MACROD1: variants seen among roughly 807,000 people sequenced by gnomAD.
The protein encoded by MACROD1 is ADP-ribose glycohydrolase MACROD1.
Under a neutral mutation model 41.4 loss-of-function variants are expected in MACROD1, and 31 were observed. The observed-to-expected ratio is 0.75, with a 90% CI of 0.56 to 1.01. The LOEUF is 1.01. Ranked by LOEUF, MACROD1 falls within the 50% of genes least tolerant of loss-of-function variation. The pLI is 0.00. For synonymous variants in MACROD1, 252 were observed against 203.4 expected (o/e 1.24, Z -2.03); for missense variants, 473 against 460.0 (o/e 1.03, Z -0.26).
chr11:64,062,496 T>C (rs1943923463), intron 3 of MACROD1, among the ~76,000 whole-genome samples: 1 of 152,220 alleles, frequency 6.6e-6, no homozygotes. Flanking sequence ...TCAGCCAATC[T>C]GGCGCAGCCT....
At chr11:64,117,724 A>G in intron 3 of MACROD1, 3 of 1,613,744 alleles carry the variant, frequency 1.9e-6, no homozygotes, top group Non-Finnish European at 2.5e-6. Context: ...ACCTTGGTGC[A>G]GGGGGACAAG....
chr11:64,004,564 G>A (rs1942879245), intron 4 of MACROD1, among the ~76,000 whole-genome samples: 2 of 152,148 alleles, frequency 1.3e-5, no homozygotes, highest in South Asian at 4.1e-4. Flanking sequence ...ACCGAGGGCA[G>A]GGCACCCCAA....
At chr11:64,052,422 C>T (rs1333388005) in intron 3 of MACROD1, among the ~76,000 whole-genome samples, 1 of 152,214 alleles carries the variant, frequency 6.6e-6, no homozygotes, top group Non-Finnish European at 1.5e-5. Context: ...AGCGATCTTC[C>T]ATCTTAGTCT....
rs1944580277 is a variant in MACROD1, at chr11:64,096,560, C to T, written c.517+54679G>A. Among the ~76,000 whole-genome samples the T allele has an allele frequency of 1.3e-5, 2 of 152,102 alleles. No individual in the cohort carries two copies. Among genetic ancestry groups the T allele is most frequent in the African/African-American group, 4.8e-5 (2 of 41,414 alleles). The stretch of plus-strand genomic sequence containing the variant: ...CCCACCGAGTAGCTGGGATTACAGG[C>T]GCCTGCCATCACGCCCAGCTAATTT... On this transcript the variant is annotated intron_variant, in intron 3 of 10. Coordinates refer to ENST00000255681, the MANE Select transcript of MACROD1 (RefSeq NM_014067.4). The surrounding 1 kb of genome is among the most constrained non-coding windows in gnomAD (Gnocchi z 4.6).
At position 64,072,640 on chromosome 11, in the gene MACROD1, C is replaced by T. The variant is rs565335340; in HGVS notation, c.518-57359G>A. 7.2e-5 allele frequency among the ~76,000 whole-genome samples: 11 copies of T among 152,334 alleles called. No homozygotes were observed. In the East Asian group the frequency reaches 2.1e-3, roughly 29 times the overall value. ...TCAGATGGGGATAACAAAGCCCCCT[C>T]GCCCCCATGCCCTGGTTATAGGGCT... is the stretch of plus-strand genomic sequence containing the variant. On this transcript the variant is annotated intron_variant, in intron 3 of 10. Transcript: ENST00000255681.
At chr11:64,015,739 T>C (rs1047058447) in intron 3 of MACROD1, among the ~76,000 whole-genome samples, 1 of 152,022 alleles carries the variant, frequency 6.6e-6, no homozygotes, top group Non-Finnish European at 1.5e-5. Flanking sequence ...GGAAGCAAAC[T>C]GCACCTTTGC....
At chr11:64,081,358 G>C (rs78738526) in intron 3 of MACROD1, among the ~76,000 whole-genome samples, 1 of 152,080 alleles carries the variant, frequency 6.6e-6, no homozygotes, top group Non-Finnish European at 1.5e-5. Flanking sequence ...CCATGAACTC[G>C]CATATCCTGA....
At chr11:64,157,261 T>G (rs986701441) in intron 1 of MACROD1, among the ~76,000 whole-genome samples, 4 of 151,852 alleles carry the variant, frequency 2.6e-5, no homozygotes, top group African/African-American at 9.7e-5. Flanking sequence ...CCCAGCTAAT[T>G]TTTTGTATTT....
chr11:64,121,649 C>T (rs78340266), intron 3 of MACROD1, among the ~76,000 whole-genome samples: 2,831 of 152,342 alleles, frequency 0.019, 39 homozygotes, highest in Non-Finnish European at 0.031. Context: ...GCCTCCCCTA[C>T]ACCTCAGACA....
chr11:64,059,955 G>A (rs1300092704), intron 3 of MACROD1, among the ~76,000 whole-genome samples: 6 of 152,200 alleles, frequency 3.9e-5, no homozygotes, highest in Non-Finnish European at 5.9e-5. Flanking sequence ...GGGATGTTGG[G>A]GGGCCGGGGC....
intron 3 of MACROD1, among the ~76,000 whole-genome samples, chr11:64,063,734 T>G (rs1038094825): frequency 1.3e-5 from 2 of 152,136 alleles, no homozygotes; most frequent in Admixed American, 6.5e-5. Flanking sequence ...CCCCCCTCCA[T>G]GGGCAGCCAC....
intron 3 of MACROD1, among the ~76,000 whole-genome samples, chr11:64,028,602 C>T (rs1943252903): frequency 6.6e-6 from 1 of 152,230 alleles, no homozygotes; most frequent in African/African-American, 2.4e-5. Context: ...TTAAGAATCC[C>T]TCCTCGGCAG....
Position 64,147,593 on chromosome 11 carries a change from T to C in MACROD1, c.517+3646A>G, listed in dbSNP as rs376229347. Among the ~76,000 whole-genome samples, 6 of 151,614 alleles carry C rather than the reference T, an allele frequency of 4.0e-5. No homozygotes were observed. The East Asian group carries it at 1.2e-3, about 29-fold the overall frequency. On this transcript the variant is annotated intron_variant, in intron 3 of 10. Transcript: ENST00000255681. ...GCATGCCATCACGCCTGGCTAATTT[T>C]TGTATTTTTAGTAGAGATGGGATTT...
Position 64,036,244 on chromosome 11 carries a change from CG to C in MACROD1, c.518-20964del. On this transcript the variant is annotated intron_variant, in intron 3 of 10. Coordinates refer to ENST00000255681, the MANE Select transcript of MACROD1 (RefSeq NM_014067.4). This position sits in a 1 kb window ranked among gnomAD's most constrained non-coding sequence, Gnocchi z 5.6. ...GCCGACGGGGCGGGGGCCGGGGGCC[CG>C]GGGGCACCGAAGCGCCACGGGGTCA... The C allele has an allele frequency of 1.3e-5, 2 of 152,066 alleles. No homozygotes were observed. Among genetic ancestry groups the C allele is most frequent in the Non-Finnish European group, 2.9e-5 (2 of 67,972 alleles). The allele number at this position is 152,066 out of a possible 1,614,324, so 9.4% of individuals were successfully genotyped here.
Position 64,000,212 on chromosome 11 carries a change from G to C in MACROD1, c.664+15C>G, listed in dbSNP as rs1396850094. The stretch of plus-strand genomic sequence containing the variant: ...CTGTCTGCGCCCCACAGCTGGGGGC[G>C]CGTCGGGGACTCACACTTGGCCGGG... On this transcript the variant is annotated intron_variant, in intron 5 of 10. Transcript: ENST00000255681. 7 of 1,596,344 alleles carry C rather than the reference G, an allele frequency of 4.4e-6. No homozygotes were observed. Among genetic ancestry groups the C allele is most frequent in the Non-Finnish European group, 5.1e-6 (6 of 1,170,776 alleles).
chr11:64,100,312 C>A (rs1414719391), intron 3 of MACROD1, among the ~76,000 whole-genome samples: 2 of 152,200 alleles, frequency 1.3e-5, no homozygotes, highest in Admixed American at 6.5e-5. Flanking sequence ...TTTCAAATTT[C>A]TTTTAATACA....
intron 3 of MACROD1, among the ~76,000 whole-genome samples, chr11:64,063,929 G>A (rs1480363825): frequency 2.6e-5 from 4 of 152,232 alleles, no homozygotes; most frequent in Non-Finnish European, 4.4e-5. Context: ...GCTGCGGAGA[G>A]GTTTGAAAGG....
chr11:64,103,826 AC>A (rs1196406912), intron 3 of MACROD1: 1 of 152,244 alleles, frequency 6.6e-6, no homozygotes, highest in East Asian at 1.9e-4. Context: ...GTGTCCCTGT[AC>A]CCCTTGCACA....
chr11:64,141,304 T>A (rs1445587365), intron 3 of MACROD1, among the ~76,000 whole-genome samples: 3 of 152,084 alleles, frequency 2.0e-5, no homozygotes, highest in East Asian at 3.9e-4. Context: ...AGGGTCAGGG[T>A]CTGGAGAGTG....
Sources: allele counts gnomAD v4.1 joint callset (sites outside exome capture counted in the v4.1 genomes callset), GRCh38; gene constraint gnomAD v4.1.1; non-coding constraint Gnocchi (gnomAD v3.1); transcripts MANE v1.5; gene names NCBI Gene and HGNC (gene_info 2026-07-23, HGNC 2026-07-21).